The following STK35 variants were observed in gnomAD, a reference collection of about 807,000 sequenced individuals.
The protein encoded by STK35 is serine/threonine kinase 35.
STK35 carries 17 observed loss-of-function variants against 37.3 expected under a neutral mutation model. The observed-to-expected ratio is 0.46, with a 90% CI of 0.31 to 0.68. The LOEUF is 0.68. Ranked by LOEUF, STK35 falls within the 30% of genes least tolerant of loss-of-function variation. STK35 has a pLI of 0.05. For missense variants in STK35, 595 were observed against 746.7 expected, an observed-to-expected ratio of 0.80 and a Z score of 2.37; for synonymous variants, 385 against 319.1, an observed-to-expected ratio of 1.21 and a Z score of -2.20.
In STK35 at chr20:2,143,892, T is replaced by C; in HGVS notation, c.*146T>C. 2 of 449,944 alleles carry C rather than the reference T, an allele frequency of 4.4e-6. No individual in the cohort carries two copies. The allele number at this position is 449,944 out of a possible 1,614,324, so 27.9% of individuals were successfully genotyped here. A position where few individuals can be genotyped will look rare whatever the true frequency, so the allele number is the denominator to read the frequency against. ...ATCTCCCGACAGCTGGATCCGGCAA[T>C]GTGAAGCTTTTGTTTGGGTTTCCCC... On this transcript the variant is annotated 3_prime_UTR_variant, in exon 4 of 4. Transcript: ENST00000381482.
intron 3 of STK35, among the ~76,000 whole-genome samples, chr20:2,131,518 C>T (rs904185408): frequency 2.6e-5 from 4 of 151,776 alleles, no homozygotes; most frequent in African/African-American, 9.7e-5. Context: ...AGGGCACTTA[C>T]TATGAATAGA....
In STK35 at chr20:2,102,816, G is replaced by A; in HGVS notation, c.343G>A (p.Asp115Asn). 1 of 1,517,724 alleles carries A rather than the reference G, an allele frequency of 6.6e-7. No homozygotes were observed. Among genetic ancestry groups the A allele is most frequent in the Non-Finnish European group, 8.8e-7 (1 of 1,138,636 alleles). 94.0% of individuals were successfully genotyped at this position (1,517,724 alleles called of 1,614,324 possible). The change falls in exon 2 of 4, where the codon GAT (aspartate) becomes AAT (asparagine). Residue 115 changes from aspartate to asparagine, a missense_variant. Coordinates refer to ENST00000381482, the MANE Select transcript of STK35 (RefSeq NM_080836.4). ...APPRPRAGRR[D>N]EAGGARAAPL... ...TCCGCGTCCCAGGGCCGGACGGAGG[G>A]ATGAGGCAGGGGGGGCCCGGGCAGC...
chr20:2,144,136 C>T lies in STK35; in HGVS notation c.*390C>T, dbSNP rs1393562106. 3.2e-6 allele frequency: 1 copy of T among 309,962 alleles called. No homozygotes were observed. 19.2% of individuals were successfully genotyped at this position (309,962 alleles called of 1,614,324 possible). The stretch of plus-strand genomic sequence containing the variant: ...GTTAGGGAGCTATTTTTGGTTTTGT[C>T]CTTCACTTTCCCTCTGTCTTCCTTC... On this transcript the variant is annotated 3_prime_UTR_variant, in exon 4 of 4. Transcript: ENST00000381482.
At position 2,107,702 on chromosome 20, in the gene STK35, A is replaced by G. The variant is rs941797272; in HGVS notation, c.892+4337A>G. Among the ~76,000 whole-genome samples, 5 of 152,244 alleles carry G rather than the reference A, an allele frequency of 3.3e-5. No individual in the cohort carries two copies. The Middle Eastern group carries it at 0.01, about 311-fold the overall frequency. ...GCAATAGATGGGTTGTCAGCCTGCA[A>G]ACTTCCCCAACTTGTCGAGTGCCTA... On this transcript the variant is annotated intron_variant, in intron 2 of 3. Transcript: ENST00000381482.
chr20:2,142,276 C>T (rs1986183898), intron 3 of STK35, among the ~76,000 whole-genome samples: 1 of 151,542 alleles, frequency 6.6e-6, no homozygotes, highest in African/African-American at 2.4e-5. Context: ...GTCCCCAGTG[C>T]TCAGAGGGAG....
chr20:2,115,963 C>A (rs1039607862), intron 2 of STK35, among the ~76,000 whole-genome samples: 1 of 151,362 alleles, frequency 6.6e-6, no homozygotes, highest in African/African-American at 2.5e-5. Context: ...GCGACTCCTG[C>A]CTCCGCTTCA....
chr20:2,111,652 G>T (rs1405970726), intron 2 of STK35, among the ~76,000 whole-genome samples: 1 of 152,220 alleles, frequency 6.6e-6, no homozygotes, highest in East Asian at 1.9e-4. Context: ...GCAGTGAGCT[G>T]TGATTGGCTG....
intron 3 of STK35, among the ~76,000 whole-genome samples, chr20:2,138,706 C>T (rs1369318555): frequency 2.0e-5 from 3 of 152,110 alleles, no homozygotes; most frequent in African/African-American, 7.2e-5. Context: ...TTACTTTCAT[C>T]ATCATTTCAT....
rs548289482 is a variant in STK35, at chr20:2,118,834, A to G, written c.*37+1419A>G. On this transcript the variant is annotated intron_variant, in intron 3 of 3. Coordinates refer to ENST00000381482, the MANE Select transcript of STK35 (RefSeq NM_080836.4). Reference sequence around the variant, plus strand: ...TGTGTTACAACTGCCTATAGTATTCAGTACAGTAACATGCTGTACAGAATT... The same window carrying G: ...TGTGTTACAACTGCCTATAGTATTCGGTACAGTAACATGCTGTACAGAATT... Among the ~76,000 whole-genome samples the G allele has an allele frequency of 2.0e-5, 3 of 152,390 alleles. No homozygotes were observed. In the South Asian group the frequency reaches 6.2e-4, roughly 32 times the overall value.
At chr20:2,106,738 TC>T (rs1985522816) in intron 2 of STK35, among the ~76,000 whole-genome samples, 1 of 152,242 alleles carries the variant, frequency 6.6e-6, no homozygotes, top group African/African-American at 2.4e-5. Flanking sequence ...CTGTTCTTGG[TC>T]TTACCCCATT....
chr20:2,131,198 G>C (rs1260398365), intron 3 of STK35, among the ~76,000 whole-genome samples: 1 of 152,148 alleles, frequency 6.6e-6, no homozygotes, highest in East Asian at 1.9e-4. Context: ...ATTGCTCCTA[G>C]ACTGCAAACC....
intron 3 of STK35, among the ~76,000 whole-genome samples, chr20:2,136,339 A>T: frequency 6.6e-6 from 1 of 152,218 alleles, no homozygotes; most frequent in Non-Finnish European, 1.5e-5. Flanking sequence ...TAATCCCTGC[A>T]TGCCTCATTT....
intron 1 of STK35, among the ~76,000 whole-genome samples, 197 bp from the exon 2 acceptor site, chr20:2,102,571 G>T (rs1037993810): frequency 1.3e-5 from 2 of 152,168 alleles, no homozygotes; most frequent in Admixed American, 6.5e-5. Flanking sequence ...TTTTCTTTCC[G>T]GTTCCCCCTC....
chr20:2,130,668 T>C (rs1985984587), intron 3 of STK35, among the ~76,000 whole-genome samples: 1 of 152,204 alleles, frequency 6.6e-6, no homozygotes, highest in South Asian at 2.1e-4. Flanking sequence ...TACTTTAATT[T>C]GTAAATTGGG....
intron 3 of STK35, among the ~76,000 whole-genome samples, chr20:2,129,518 A>C (rs1985963012): frequency 6.6e-6 from 1 of 152,174 alleles, no homozygotes; most frequent in South Asian, 2.1e-4. Context: ...CACCAATAAA[A>C]AGGAAAACAT....
At chr20:2,138,444 C>T (rs990884686) in intron 3 of STK35, among the ~76,000 whole-genome samples, 2 of 152,150 alleles carry the variant, frequency 1.3e-5, no homozygotes, top group African/African-American at 4.8e-5. Flanking sequence ...TCACAGCAGG[C>T]CCCTGAAGAG....
intron 3 of STK35, among the ~76,000 whole-genome samples, chr20:2,140,555 C>A (rs1986156430): frequency 6.6e-6 from 1 of 152,196 alleles, no homozygotes; most frequent in Admixed American, 6.5e-5. Flanking sequence ...AATGCTCTTT[C>A]TGTGATGGCA....
At chr20:2,129,911 T>C (rs560936959) in intron 3 of STK35, among the ~76,000 whole-genome samples, 71 of 151,882 alleles carry the variant, frequency 4.7e-4, no homozygotes, top group African/African-American at 1.6e-3. Flanking sequence ...AGAGAGGCAG[T>C]TGTGGAAGCA....
intron 3 of STK35, among the ~76,000 whole-genome samples, chr20:2,133,654 G>A (rs1331738488): frequency 6.6e-6 from 1 of 152,238 alleles, no homozygotes; most frequent in African/African-American, 2.4e-5. Flanking sequence ...TCAGTGTGCA[G>A]CCCTGCCTGC....
Sources: allele counts gnomAD v4.1 joint callset (sites outside exome capture counted in the v4.1 genomes callset), GRCh38; gene constraint gnomAD v4.1.1; transcripts MANE v1.5; gene names NCBI Gene and HGNC (gene_info 2026-07-23, HGNC 2026-07-21).